CRHR1: variants seen among roughly 807,000 people sequenced by gnomAD.
CRHR1 encodes the protein corticotropin-releasing hormone receptor 1.
CRHR1 carries 28 observed loss-of-function variants against 56.0 expected under a neutral mutation model. That is an observed-to-expected ratio of 0.50 (90% confidence interval 0.37 to 0.69). The LOEUF is 0.69. Ranked by LOEUF, CRHR1 falls within the 30% of genes least tolerant of loss-of-function variation. The pLI, the probability that CRHR1 is intolerant of heterozygous loss-of-function variation, is 0.00. For synonymous variants in CRHR1, 195 were observed against 216.5 expected (o/e 0.90, Z 0.87); for missense variants, 376 against 548.0 (o/e 0.69, Z 3.13).
At chr17:45,794,719 C>A (rs1414451770) in intron 1 of CRHR1, among the ~76,000 whole-genome samples, 1 of 152,248 alleles carries the variant, frequency 6.6e-6, no homozygotes. Flanking sequence ...GTGGTCGCAG[C>A]CCCTAGTGGG....
At chr17:45,802,143 G>A (rs2061634870) in intron 1 of CRHR1, among the ~76,000 whole-genome samples, 1 of 152,080 alleles carries the variant, frequency 6.6e-6, no homozygotes, top group Non-Finnish European at 1.5e-5. Context: ...TGGCCAACAG[G>A]GTGAAACCTC....
At chr17:45,803,775 T>TGTGTGTGCGC (rs71138510) in intron 1 of CRHR1, among the ~76,000 whole-genome samples, 109 of 150,438 alleles carry the variant, frequency 7.2e-4, no homozygotes, top group Middle Eastern at 3.4e-3. Context: ...TGTGTGTGTG[T>TGTGTGTGCGC]GCGTGCGCGT....
At chr17:45,802,567 C>T (rs1032214651) in intron 1 of CRHR1, among the ~76,000 whole-genome samples, 2 of 152,206 alleles carry the variant, frequency 1.3e-5, no homozygotes, top group Non-Finnish European at 2.9e-5. Flanking sequence ...GAAGCCCTCA[C>T]AAACCTTCCA....
intron 10 of CRHR1, 21 bp from the exon 11 acceptor site, chr17:45,833,693 T>TGGGGGGGGGGGGGGC: frequency 3.8e-6 from 6 of 1,571,604 alleles, no homozygotes; most frequent in Non-Finnish European, 5.2e-6. Context: ...ACTCCGAGCC[T>TGGGGGGGGGGGGGGC]CCCCACCCGC....
Position 45,807,043 on chromosome 17 carries a change from G to A in CRHR1, c.67G>A (p.Ala23Thr), listed in dbSNP as rs772507840. Reference protein sequence around the residue: ...LLLLGLNPVSASLQDQHCESL... With the variant: ...LLLLGLNPVSTSLQDQHCESL... ...CCTTCTGGGGCTGAACCCCGTCTCTGCCTCCCTCCAGGACCAGCACTGCGA... is the reference window on the plus strand; with the variant it reads ...CCTTCTGGGGCTGAACCCCGTCTCTACCTCCCTCCAGGACCAGCACTGCGA... Residue 23 changes from alanine (A) to threonine (T), a missense_variant, in exon 2 of 13, where the codon GCC (alanine) becomes ACC (threonine). Ala to Thr is a moderately conservative substitution (Grantham distance 58). This residue lies in a region of CRHR1 where 369 missense variants were observed against 519.5 expected (regional missense o/e 0.71). Coordinates refer to ENST00000314537, the MANE Select transcript of CRHR1 (RefSeq NM_004382.5). The A allele has an allele frequency of 6.2e-7, 1 of 1,613,976 alleles. No individual in the cohort carries two copies. Among genetic ancestry groups the A allele is most frequent in the South Asian group, 1.1e-5 (1 of 91,066 alleles).
intron 1 of CRHR1, among the ~76,000 whole-genome samples, chr17:45,787,216 G>C (rs1408747196): frequency 2.0e-5 from 3 of 152,174 alleles, no homozygotes; most frequent in Non-Finnish European, 2.9e-5. Context: ...TGAGTGGGGA[G>C]AGACGATGTG....
Position 45,812,449 on chromosome 17 carries a change from T to A in CRHR1, c.122-4014T>A, listed in dbSNP as rs1033485692. On this transcript the variant is annotated intron_variant, in intron 2 of 12. Coordinates refer to ENST00000314537, the MANE Select transcript of CRHR1 (RefSeq NM_004382.5). ...GGATTACTCTGGTCCAAATTCCTCC[T>A]CATCCCAGGACTATGACGGCTGACT... 2.0e-5 allele frequency among the ~76,000 whole-genome samples: 3 copies of A among 152,172 alleles called. No homozygotes were observed. In the South Asian group the frequency reaches 6.2e-4, roughly 32 times the overall value.
At chr17:45,799,287 C>T (rs894816863) in intron 1 of CRHR1, 1 of 152,232 alleles carries the variant, frequency 6.6e-6, no homozygotes, top group Non-Finnish European at 1.5e-5. Context: ...GGGGCCTGCC[C>T]TGCTCTTGTA....
intron 1 of CRHR1, among the ~76,000 whole-genome samples, chr17:45,801,620 G>C (rs558772677): frequency 6.6e-6 from 1 of 152,308 alleles, no homozygotes; most frequent in Non-Finnish European, 1.5e-5. Flanking sequence ...ATTAGCCAGT[G>C]AGTGAACCTC....
chr17:45,832,793 G>A (rs2062343696), intron 8 of CRHR1, among the ~76,000 whole-genome samples: 1 of 152,224 alleles, frequency 6.6e-6, no homozygotes. Flanking sequence ...GGGCATGCTG[G>A]GCCTCAGCCA....
chr17:45,822,398 C>A (rs2062060849), intron 4 of CRHR1, among the ~76,000 whole-genome samples: 1 of 152,246 alleles, frequency 6.6e-6, no homozygotes, highest in African/African-American at 2.4e-5. Flanking sequence ...TCCTTTCCCA[C>A]CCGACGCTTT....
intron 5 of CRHR1, chr17:45,829,568 T>C: frequency 6.5e-7 from 1 of 1,550,284 alleles, no homozygotes; most frequent in Non-Finnish European, 8.7e-7. Context: ...CAGGCCAGGC[T>C]GCACCCATTG....
intron 9 of CRHR1, 27 bp downstream of exon 9, chr17:45,833,237 C>T (rs372074985): frequency 6.2e-7 from 1 of 1,609,810 alleles, no homozygotes; most frequent in South Asian, 1.1e-5. Flanking sequence ...GGGCAGGAGA[C>T]AGGGCCCAGT....
intron 1 of CRHR1, among the ~76,000 whole-genome samples, chr17:45,796,290 G>C (rs2061515331): frequency 6.6e-6 from 1 of 152,146 alleles, no homozygotes. Context: ...GCAGGCACTG[G>C]ATCAGAACCC....
At chr17:45,800,641 C>T (rs1040842398) in intron 1 of CRHR1, 2 of 152,324 alleles carry the variant, frequency 1.3e-5, no homozygotes, top group South Asian at 2.1e-4. Context: ...GAAAGCCACA[C>T]AGCCAGTGAC....
chr17:45,825,549 G>A (rs71375321), intron 4 of CRHR1: 4,952 of 154,732 alleles, frequency 0.032, 90 homozygotes, highest in East Asian at 0.064. Flanking sequence ...CGGATTCTGG[G>A]GGTCTGGTTT....
At chr17:45,823,812 G>T (rs1337681518) in intron 4 of CRHR1, among the ~76,000 whole-genome samples, 1 of 152,236 alleles carries the variant, frequency 6.6e-6, no homozygotes, top group Non-Finnish European at 1.5e-5. Flanking sequence ...CTAATGCGGG[G>T]CTCTGCTGTC....
At chr17:45,789,565 T>G (rs1430642523) in intron 1 of CRHR1, among the ~76,000 whole-genome samples, 4 of 152,168 alleles carry the variant, frequency 2.6e-5, no homozygotes, top group African/African-American at 9.7e-5. Context: ...AGAAACGGTC[T>G]TGCCGTATTG....
chr17:45,810,501 C>A (rs1240154468), intron 2 of CRHR1, among the ~76,000 whole-genome samples: 1 of 152,140 alleles, frequency 6.6e-6, no homozygotes, highest in Non-Finnish European at 1.5e-5. Context: ...AAGATATGAA[C>A]CATGTGGGCC....
Sources: allele counts gnomAD v4.1 joint callset (sites outside exome capture counted in the v4.1 genomes callset), GRCh38; gene constraint gnomAD v4.1.1; regional missense constraint gnomAD v4.1.1; transcripts MANE v1.5; gene names NCBI Gene and HGNC (gene_info 2026-07-23, HGNC 2026-07-21).